ETV6: variants seen among roughly 807,000 people sequenced by gnomAD.
ETV6 encodes the protein ETS variant transcription factor 6.
In ETV6, 16 loss-of-function variants were observed where a neutral mutation model predicts 51.1. The ratio of observed to expected loss-of-function variants is 0.31; its 90% confidence interval spans 0.21 to 0.48. The LOEUF (loss-of-function observed/expected upper bound fraction) is 0.48. ETV6 is among the 20% of genes least tolerant of loss of function. The probability of loss-of-function intolerance (pLI) is 0.99; values close to 1 mark genes in which losing one functional copy is unlikely to be tolerated. For synonymous variants in ETV6, 240 were observed against 224.1 expected (o/e 1.07, Z -0.64); for missense variants, 458 against 594.8 (o/e 0.77, Z 2.39).
At chr12:11,839,972 A>C (rs542733792) in intron 3 of ETV6, among the ~76,000 whole-genome samples, 210 of 152,232 alleles carry the variant, frequency 1.4e-3, no homozygotes, top group African/African-American at 4.7e-3. Context: ...ACCGAAAACA[A>C]AGAGAGGAAG....
chr12:11,659,360 A>G (rs1180891974), intron 1 of ETV6, among the ~76,000 whole-genome samples: 1 of 152,180 alleles, frequency 6.6e-6, no homozygotes, highest in African/African-American at 2.4e-5. Context: ...AATTGTGGAG[A>G]AAATGTTACC....
intron 1 of ETV6, among the ~76,000 whole-genome samples, chr12:11,699,342 T>C (rs974447534): frequency 2.6e-5 from 4 of 152,196 alleles, no homozygotes; most frequent in African/African-American, 9.7e-5. Flanking sequence ...CTCATTTTAA[T>C]TCATTTAAAA....
chr12:11,818,353 A>G (rs1288397110), intron 2 of ETV6, among the ~76,000 whole-genome samples: 2 of 152,152 alleles, frequency 1.3e-5, no homozygotes, highest in African/African-American at 4.8e-5. Flanking sequence ...CCCCATCTCT[A>G]CTAAAAAATA....
intron 4 of ETV6, among the ~76,000 whole-genome samples, chr12:11,860,572 AAAAC>A (rs1448475306): frequency 2.0e-5 from 3 of 151,878 alleles, no homozygotes; most frequent in African/African-American, 4.8e-5. Flanking sequence ...CTCAAAAAAA[AAAAC>A]AAAACAAAAG....
chr12:11,784,755 G>C (rs1416107061), intron 2 of ETV6, among the ~76,000 whole-genome samples: 1 of 151,956 alleles, frequency 6.6e-6, no homozygotes, highest in Non-Finnish European at 1.5e-5. Context: ...CTGGAGTGCA[G>C]TGGTGTAATC....
intron 1 of ETV6, among the ~76,000 whole-genome samples, chr12:11,686,589 G>A (rs777029370): frequency 7.9e-5 from 12 of 152,062 alleles, no homozygotes; most frequent in Non-Finnish European, 1.2e-4. Context: ...GTGCAGTGGC[G>A]TGATCTTGGC....
chr12:11,715,494 C>G (rs1007694430), intron 1 of ETV6, among the ~76,000 whole-genome samples: 2 of 152,012 alleles, frequency 1.3e-5, no homozygotes, highest in African/African-American at 2.4e-5. Flanking sequence ...ATGAGAAAAC[C>G]CAAAACTCAA....
chr12:11,714,610 T>A (rs1418709810), intron 1 of ETV6, among the ~76,000 whole-genome samples: 1 of 126,114 alleles, frequency 7.9e-6, no homozygotes, highest in Non-Finnish European at 1.6e-5. Context: ...AGTCCAGCTA[T>A]AGAGACAGAC....
intron 2 of ETV6, among the ~76,000 whole-genome samples, chr12:11,818,763 G>A (rs1221585838): frequency 6.6e-6 from 1 of 151,832 alleles, no homozygotes; most frequent in Non-Finnish European, 1.5e-5. Flanking sequence ...CTCAAGCCTT[G>A]GGGTGTCCCT....
At position 11,689,130 on chromosome 12, in the gene ETV6, A is replaced by C. The variant is rs542386533; in HGVS notation, c.33+38970A>C. 3.7e-5 allele frequency among the ~76,000 whole-genome samples: 5 copies of C among 136,282 alleles called. No individual in the cohort carries two copies. In the South Asian group the frequency reaches 1.4e-3, roughly 39 times the overall value. 89.4% of individuals were successfully genotyped at this position (136,282 alleles called of 152,430 possible). A position where few individuals can be genotyped will look rare whatever the true frequency, so the allele number is the denominator to read the frequency against. On this transcript the variant is annotated intron_variant, in intron 1 of 7. Coordinates refer to ENST00000396373, the MANE Select transcript of ETV6 (RefSeq NM_001987.5). The stretch of plus-strand genomic sequence containing the variant: ...AGGCCCAGGACTCAGCCTGGCAGGG[A>C]AAATGGGGCGGGGGGGCGGGAGTGT...
rs1437274494 is a variant in ETV6, at chr12:11,890,975, C to T, written c.1288C>T (p.Arg430Ter). 6.2e-7 allele frequency: 1 copy of T among 1,613,746 alleles called. No individual in the cohort carries two copies. Among genetic ancestry groups the T allele is most frequent in the Non-Finnish European group, 8.5e-7 (1 of 1,179,800 alleles). Residue 430 changes from arginine to a stop codon, truncating the protein, a stop_gained, in exon 8 of 8, where the codon CGA becomes TGA. Coordinates refer to ENST00000396373, the MANE Select transcript of ETV6 (RefSeq NM_001987.5). LOFTEE classifies it high-confidence loss of function. ...AACCCCAGATGAAATCATGAGTGGC[C>T]GAACAGACCGTCTGGAGCACCTAGA... ...MKTPDEIMSG[R>*]TDRLEHLESQ... is the part of the protein sequence containing the mutation.
Position 11,650,102 on chromosome 12 carries a change from C to T in ETV6, c.-26C>T, listed in dbSNP as rs760183966. 4.7e-5 allele frequency: 75 copies of T among 1,612,536 alleles called. No individual in the cohort carries two copies. Among genetic ancestry groups the T allele is most frequent in the Non-Finnish European group, 5.8e-5 (68 of 1,178,774 alleles). ...AAGGAAAGTGGAAAAAACCTGAGAACTTCCTGATCTCTCTCGCTGTGAGAC... is the reference window on the plus strand; with the variant it reads ...AAGGAAAGTGGAAAAAACCTGAGAATTTCCTGATCTCTCTCGCTGTGAGAC... On this transcript the variant is annotated 5_prime_UTR_variant, in exon 1 of 8. Transcript: ENST00000396373.
rs1317065472 is a variant in ETV6 at position 11,891,776 on chromosome 12, A to C, written c.*730A>C. On this transcript the variant is annotated 3_prime_UTR_variant, in exon 8 of 8. Transcript: ENST00000396373. Reference sequence around the variant, plus strand: ...GAGTCTTGGGGATTGTTGGCACCTAAACAGAATCAGTGACCCGGGTGCTTT... The same window carrying C: ...GAGTCTTGGGGATTGTTGGCACCTACACAGAATCAGTGACCCGGGTGCTTT... The C allele has an allele frequency of 8.3e-6, 3 of 360,198 alleles. No individual in the cohort carries two copies. Among genetic ancestry groups the C allele is most frequent in the Non-Finnish European group, 1.6e-5 (3 of 185,508 alleles). The allele number at this position is 360,198 out of a possible 1,614,324, so 22.3% of individuals were successfully genotyped here.
chr12:11,698,574 C>T (rs1864921682), intron 1 of ETV6, among the ~76,000 whole-genome samples: 1 of 144,938 alleles, frequency 6.9e-6, no homozygotes, highest in Non-Finnish European at 1.5e-5. Context: ...CCAACCTAGA[C>T]ACCCACAACA....
chr12:11,838,973 G>C (rs537138632), intron 2 of ETV6, among the ~76,000 whole-genome samples, 167 bp from the exon 3 acceptor site: 2 of 152,374 alleles, frequency 1.3e-5, no homozygotes, highest in East Asian at 3.9e-4. Context: ...GCCCCCAGTG[G>C]GGCGGCTCAA....
chr12:11,733,407 C>CAAAAAA (rs11394100), intron 1 of ETV6, among the ~76,000 whole-genome samples: 2 of 101,058 alleles, frequency 2.0e-5, no homozygotes, highest in Non-Finnish European at 1.8e-5. Context: ...GACTCCATCT[C>CAAAAAA]AAAAAAAAAA....
chr12:11,815,738 G>T (rs146131919), intron 2 of ETV6, among the ~76,000 whole-genome samples: 354 of 152,354 alleles, frequency 2.3e-3, no homozygotes, highest in African/African-American at 8.2e-3. Context: ...AGCTTGATGT[G>T]TGTGATGACT....
intron 5 of ETV6, among the ~76,000 whole-genome samples, chr12:11,876,229 A>G (rs1298828984): frequency 6.6e-6 from 1 of 152,246 alleles, no homozygotes; most frequent in Non-Finnish European, 1.5e-5. Context: ...AATACTAAGT[A>G]TTTAGCTACG....
At chr12:11,681,494 T>C (rs542807926) in intron 1 of ETV6, among the ~76,000 whole-genome samples, 2 of 147,926 alleles carry the variant, frequency 1.4e-5, no homozygotes, top group Non-Finnish European at 3.0e-5. Flanking sequence ...TTTCACCGTT[T>C]AAGGTCTTTC....
Sources: allele counts gnomAD v4.1 joint callset (sites outside exome capture counted in the v4.1 genomes callset), GRCh38; gene constraint gnomAD v4.1.1; transcripts MANE v1.5; gene names NCBI Gene and HGNC (gene_info 2026-07-23, HGNC 2026-07-21).